Variants in PHTF2 observed in about 807,000 individuals in gnomAD.
The protein encoded by PHTF2 is protein PHTF2.
PHTF2 carries 60 observed loss-of-function variants against 101.2 expected under a neutral mutation model. The ratio of observed to expected loss-of-function variants is 0.59; its 90% CI spans 0.48 to 0.73. The LOEUF (loss-of-function observed/expected upper bound fraction) is 0.73. PHTF2 is among the 30% of genes least tolerant of loss of function. The probability of loss-of-function intolerance (pLI) is 0.00; values close to 1 mark genes in which losing one functional copy is unlikely to be tolerated. For synonymous variants in PHTF2, 311 were observed against 307.3 expected, an observed-to-expected ratio of 1.01 and a Z score of -0.13; for missense variants, 747 against 908.7, an observed-to-expected ratio of 0.82 and a Z score of 2.29.
intron 8 of PHTF2, 149 bp downstream of exon 7, chr7:77,909,107 A>T (rs1219672576): frequency 4.8e-5 from 24 of 501,534 alleles, no homozygotes; most frequent in Non-Finnish European, 2.8e-5. Flanking sequence ...CAATTACCAG[A>T]TGATTTAGTT....
intron 3 of PHTF2, among the ~76,000 whole-genome samples, chr7:77,873,917 A>G (rs1183032298): frequency 6.6e-6 from 1 of 152,130 alleles, no homozygotes; most frequent in Non-Finnish European, 1.5e-5. Flanking sequence ...AATTTCAGCT[A>G]TTTCTCTAGG....
At chr7:77,836,828 C>T (rs1239410090) in intron 1 of PHTF2, among the ~76,000 whole-genome samples, 1 of 151,206 alleles carries the variant, frequency 6.6e-6, no homozygotes, top group East Asian at 1.9e-4. Context: ...GGGTGGGGGG[C>T]TTGGGGAAGG....
chr7:77,949,538 A>G, intron 16 of PHTF2, 140 bp from the exon 16 acceptor site: 1 of 569,702 alleles, frequency 1.8e-6, no homozygotes, highest in Non-Finnish European at 3.1e-6. Flanking sequence ...TACTTTTGAT[A>G]TGCTTAAAAT....
chr7:77,910,437 G>T (rs1802279750), intron 9 of PHTF2, 28 bp downstream of exon 8: 2 of 1,533,456 alleles, frequency 1.3e-6, no homozygotes, highest in East Asian at 2.3e-5. Context: ...GTTTTATATG[G>T]CATAGAGATG....
At chr7:77,801,052 T>A (rs953194634) in intron 1 of PHTF2, among the ~76,000 whole-genome samples, 1 of 152,212 alleles carries the variant, frequency 6.6e-6, no homozygotes, top group Non-Finnish European at 1.5e-5. Flanking sequence ...TTGTACACAG[T>A]AACACTTTGA....
chr7:77,813,434 GT>G (rs1793603179), intron 1 of PHTF2, among the ~76,000 whole-genome samples: 1 of 152,224 alleles, frequency 6.6e-6, no homozygotes, highest in Non-Finnish European at 1.5e-5. Flanking sequence ...AGTCACTGGT[GT>G]CCTCAAAGAG....
intron 3 of PHTF2, among the ~76,000 whole-genome samples, chr7:77,889,962 C>A (rs976055631): frequency 1.5e-4 from 23 of 152,034 alleles, no homozygotes; most frequent in African/African-American, 5.5e-4. Context: ...CCTGCACTTA[C>A]AGACATTTAA....
At chr7:77,864,083 C>T (rs778455246) in intron 3 of PHTF2, among the ~76,000 whole-genome samples, 1 of 152,114 alleles carries the variant, frequency 6.6e-6, no homozygotes, top group Non-Finnish European at 1.5e-5. Context: ...CCCAGCCCCA[C>T]GGAGTTCTTA....
intron 12 of PHTF2, among the ~76,000 whole-genome samples, chr7:77,932,585 GAA>G (rs1804669666): frequency 3.8e-5 from 5 of 132,202 alleles, no homozygotes; most frequent in Non-Finnish European, 8.2e-5. Flanking sequence ...AGAGAAAGAG[GAA>G]GAGAGAGAGA....
intron 19 of PHTF2, among the ~76,000 whole-genome samples, 180 bp downstream of exon 18, chr7:77,954,074 A>G (rs2151003301): frequency 6.6e-6 from 1 of 152,336 alleles, no homozygotes; most frequent in Middle Eastern, 3.4e-3. Flanking sequence ...GGAATTTCTA[A>G]CTTGGAACAG....
At position 77,901,053 on chromosome 7, in the gene PHTF2, A is replaced by G. The variant is rs74489790; in HGVS notation, c.286+273A>G. On this transcript the variant is annotated intron_variant, in intron 6 of 19. Transcript: ENST00000416283. ...ACATCACATGGCCAGAGCAGGAGCC[A>G]GAGAGTGGTAGTGGGGAGGTGCCAC... 5.1e-3 allele frequency among the ~76,000 whole-genome samples: 773 copies of G among 152,318 alleles called. 14 individuals carry two copies. Among genetic ancestry groups the G allele is most frequent in the East Asian group, 0.032 (167 of 5,184 alleles).
intron 2 of PHTF2, among the ~76,000 whole-genome samples, chr7:77,844,821 G>A (rs1014601046): frequency 2.6e-5 from 4 of 152,130 alleles, no homozygotes; most frequent in African/African-American, 9.7e-5. Context: ...CATTGCACCC[G>A]GCCTAAATAA....
At chr7:77,883,547 T>C (rs1266752363) in intron 3 of PHTF2, among the ~76,000 whole-genome samples, 1 of 152,206 alleles carries the variant, frequency 6.6e-6, no homozygotes, top group Non-Finnish European at 1.5e-5. Flanking sequence ...GCAAACCATA[T>C]ATTTTTAGCT....
Position 77,940,021 on chromosome 7 carries a change from T to C in PHTF2, c.1468-9T>C. 2 of 1,577,674 alleles carry C rather than the reference T, an allele frequency of 1.3e-6. No homozygotes were observed. Among genetic ancestry groups the C allele is most frequent in the South Asian group, 2.4e-5 (2 of 84,830 alleles). ...TTTCTTTTCTCTCTCTTCCCCTGGC[T>C]CCCTCAAGGTGAACAGCCATATACC... is the stretch of plus-strand genomic sequence containing the variant. On this transcript the variant is annotated splice_polypyrimidine_tract_variant and intron_variant, in intron 13 of 19. Coordinates refer to ENST00000416283, the Ensembl canonical transcript of PHTF2.
At chr7:77,901,174 C>T (rs1801352809) in intron 6 of PHTF2, among the ~76,000 whole-genome samples, 1 of 152,216 alleles carries the variant, frequency 6.6e-6, no homozygotes, top group Non-Finnish European at 1.5e-5. Flanking sequence ...CGTATACCTC[C>T]CATGAGGCCC....
At chr7:77,929,000 T>C in intron 11 of PHTF2, 109 bp from the exon 11 acceptor site, 1 of 677,756 alleles carries the variant, frequency 1.5e-6, no homozygotes, top group Non-Finnish European at 2.6e-6. Context: ...CTTTTGAGGG[T>C]GTATTTGTTG....
intron 1 of PHTF2, among the ~76,000 whole-genome samples, chr7:77,822,195 T>C (rs1165842407): frequency 6.6e-6 from 1 of 152,030 alleles, no homozygotes; most frequent in Non-Finnish European, 1.5e-5. Context: ...CAGCAGAGTG[T>C]TGGGGAGCAG....
chr7:77,870,181 T>G (rs1798398249), intron 3 of PHTF2, among the ~76,000 whole-genome samples: 1 of 152,054 alleles, frequency 6.6e-6, no homozygotes, highest in Non-Finnish European at 1.5e-5. Flanking sequence ...CTGAAGTGTT[T>G]CTCCAATGTT....
intron 11 of PHTF2, among the ~76,000 whole-genome samples, chr7:77,926,371 T>G (rs1804001968): frequency 6.6e-6 from 1 of 152,192 alleles, no homozygotes; most frequent in Non-Finnish European, 1.5e-5. Context: ...TGTCCTCTTT[T>G]TCTTTGTATA....
Sources: allele counts gnomAD v4.1 joint callset (sites outside exome capture counted in the v4.1 genomes callset), GRCh38; gene constraint gnomAD v4.1.1; transcripts MANE v1.5; gene names NCBI Gene and HGNC (gene_info 2026-07-23, HGNC 2026-07-21).